The following PCNX1 variants were observed in gnomAD, a reference collection of about 807,000 sequenced individuals.
PCNX1 encodes pecanex 1.
In PCNX1, 78 loss-of-function variants were observed where a neutral mutation model predicts 242.2. That is an observed-to-expected ratio of 0.32 (90% CI 0.27 to 0.39). The LOEUF (loss-of-function observed/expected upper bound fraction) is 0.39, where lower values mean the gene tolerates loss of function less well. Ranked by LOEUF, PCNX1 falls within the 10% of genes least tolerant of loss-of-function variation. The probability of loss-of-function intolerance (pLI) is 1.00; values close to 1 mark genes in which losing one functional copy is unlikely to be tolerated. For synonymous variants in PCNX1, 1,024 were observed against 1,032.9 expected (o/e 0.99, Z 0.17); for missense variants, 2,581 against 2,856.5 (o/e 0.90, Z 2.20).
Position 70,931,511 on chromosome 14 carries a change from C to G in PCNX1, c.154-15404C>G, listed in dbSNP as rs533885859. On this transcript the variant is annotated intron_variant, in intron 1 of 35. Transcript: ENST00000304743. ...CAGATATACTGATGGATGGAACTTA[C>G]AATTTACGATAGGATTAGTGTGCCC... Among the ~76,000 whole-genome samples, 4 of 149,674 alleles carry G rather than the reference C, an allele frequency of 2.7e-5. No homozygotes were observed. In the South Asian group the frequency reaches 6.4e-4, roughly 24 times the overall value.
intron 24 of PCNX1, chr14:71,053,410 C>G (rs1295184600): frequency 2.6e-6 from 1 of 390,148 alleles, no homozygotes; most frequent in Non-Finnish European, 5.0e-6. Context: ...CTCCGCCTCC[C>G]AGGTTCAAGC....
chr14:71,044,276 G>A (rs2060796137), intron 19 of PCNX1: 1 of 152,670 alleles, frequency 6.6e-6, no homozygotes, highest in African/African-American at 2.4e-5. Flanking sequence ...CGCTTGTGAT[G>A]TTGGGTCTGG....
At chr14:70,922,993 G>T (rs1432848388) in intron 1 of PCNX1, among the ~76,000 whole-genome samples, 2 of 152,010 alleles carry the variant, frequency 1.3e-5, no homozygotes, top group African/African-American at 4.8e-5. Context: ...ACCAACATTG[G>T]TTATTATGAA....
chr14:70,923,094 G>A (rs1378633078), intron 1 of PCNX1, among the ~76,000 whole-genome samples: 2 of 95,366 alleles, frequency 2.1e-5, no homozygotes, highest in Non-Finnish European at 4.8e-5. Context: ...CATATGCCTA[G>A]TAGACACACA....
intron 22 of PCNX1, 149 bp downstream of exon 22, chr14:71,048,133 C>A (rs1318317357): frequency 4.0e-6 from 2 of 499,352 alleles, no homozygotes; most frequent in South Asian, 4.2e-5. Context: ...ACATTAGAAT[C>A]CCTAAACAAA....
chr14:71,069,242 G>T (rs1473898830), intron 26 of PCNX1, among the ~76,000 whole-genome samples: 1 of 152,118 alleles, frequency 6.6e-6, no homozygotes, highest in Admixed American at 6.6e-5. Context: ...GGAATTATGG[G>T]AGCTACAATT....
chr14:71,109,552 G>A lies in PCNX1; in HGVS notation c.6845G>A (p.Ser2282Asn). The change falls in exon 35 of 36, where the codon AGC (serine) becomes AAC (asparagine). Residue 2282 changes from serine to asparagine, a missense_variant. Physicochemically the swap from Ser to Asn is conservative, Grantham distance 46. Around this residue, in one of 9 missense-constraint regions of PCNX1, gnomAD observed 432 missense variants for 433.6 expected, o/e 1.00. Coordinates refer to ENST00000304743, the MANE Select transcript of PCNX1 (RefSeq NM_014982.3). ...ATCCGGTTAAAAGCTGGGAGAAATA[G>A]CTGGAAAGACTGGAGTCCGCAGGAG... ...EGIRLKAGRN[S>N]WKDWSPQEGM... is the part of the protein sequence containing the mutation. 2 of 1,614,180 alleles carry A rather than the reference G, an allele frequency of 1.2e-6. No homozygotes were observed. The highest frequency in any genetic ancestry group is 2.2e-5 in the South Asian group (2 of 91,086).
chr14:70,938,297 A>G lies in PCNX1; in HGVS notation c.154-8618A>G, dbSNP rs1232532258. Among the ~76,000 whole-genome samples the G allele has an allele frequency of 2.6e-5, 4 of 152,120 alleles. No individual in the cohort carries two copies. The East Asian group carries it at 7.7e-4, about 29-fold the overall frequency. On this transcript the variant is annotated intron_variant, in intron 1 of 35. Transcript: ENST00000304743. ...CATAGATAGCTCTTATTATTTTGAG[A>G]TACGTCCCATCAATACCTAATTTAT...
intron 1 of PCNX1, among the ~76,000 whole-genome samples, chr14:70,940,237 C>T (rs2057180686): frequency 6.6e-6 from 1 of 152,164 alleles, no homozygotes; most frequent in South Asian, 2.1e-4. Flanking sequence ...ATGGTCTTTA[C>T]AATTTGGCAT....
chr14:70,971,051 T>C (rs970730015), intron 5 of PCNX1, among the ~76,000 whole-genome samples: 1 of 151,578 alleles, frequency 6.6e-6, no homozygotes, highest in African/African-American at 2.4e-5. Context: ...AAAGTGACAG[T>C]CCTATAATTC....
chr14:70,909,610 A>G (rs906373869), intron 1 of PCNX1, among the ~76,000 whole-genome samples: 14 of 152,220 alleles, frequency 9.2e-5, no homozygotes, highest in Non-Finnish European at 1.6e-4. Flanking sequence ...TAACACTTGT[A>G]GTAAACTGTG....
intron 3 of PCNX1, among the ~76,000 whole-genome samples, chr14:70,963,696 TTC>T (rs2058289766): frequency 6.6e-6 from 1 of 152,230 alleles, no homozygotes; most frequent in African/African-American, 2.4e-5. Flanking sequence ...CCTAGTACCT[TTC>T]TCTCTTTTGT....
At position 71,110,050 on chromosome 14, in the gene PCNX1, A is replaced by T; in HGVS notation, c.*115A>T. 1.1e-6 allele frequency: 1 copy of T among 944,018 alleles called. No homozygotes were observed. The highest frequency in any genetic ancestry group is 1.7e-6 in the Non-Finnish European group (1 of 583,448). 58.5% of individuals were successfully genotyped at this position (944,018 alleles called of 1,614,324 possible). On this transcript the variant is annotated 3_prime_UTR_variant, in exon 36 of 36. Coordinates refer to ENST00000304743, the MANE Select transcript of PCNX1 (RefSeq NM_014982.3). ...ATCACTTTGATCCTATGTGGGAGCG[A>T]CTGAAAATAGAATGAGCTTGGTTAA...
chr14:70,978,346 G>C lies in PCNX1; in HGVS notation c.2009G>C (p.Ser670Thr). ...GCTCATTTGGTTCCTGAAGGAACCA[G>C]CAAAAAGCGTGCAACACGACGGACT... The part of the protein sequence containing the change: ...HKAHLVPEGT[S>T]KKRATRRTSS... Residue 670 changes from serine to threonine, a missense_variant, in exon 6 of 36, where the codon AGC becomes ACC. Coordinates refer to ENST00000304743, the MANE Select transcript of PCNX1 (RefSeq NM_014982.3). 3 of 1,614,156 alleles carry C rather than the reference G, an allele frequency of 1.9e-6. No individual in the cohort carries two copies. Among genetic ancestry groups the C allele is most frequent in the Non-Finnish European group, 2.5e-6 (3 of 1,180,020 alleles).
At chr14:71,055,864 G>A (rs572715959) in intron 25 of PCNX1, among the ~76,000 whole-genome samples, 1 of 152,294 alleles carries the variant, frequency 6.6e-6, no homozygotes, top group Non-Finnish European at 1.5e-5. Flanking sequence ...CTGGTCAGAT[G>A]TTTGAAGGGT....
At chr14:71,072,508 A>G (rs1480323943) in intron 26 of PCNX1, among the ~76,000 whole-genome samples, 3 of 152,204 alleles carry the variant, frequency 2.0e-5, no homozygotes, top group Non-Finnish European at 4.4e-5. Flanking sequence ...CTTGGCTATA[A>G]AAACCTTTTT....
intron 2 of PCNX1, among the ~76,000 whole-genome samples, chr14:70,948,501 T>G (rs1371066118): frequency 6.6e-6 from 1 of 152,026 alleles, no homozygotes; most frequent in East Asian, 1.9e-4. Context: ...CTAAAGAAAT[T>G]ATTCAGCATG....
chr14:70,948,641 A>ATATAGATGTGTATATATACACGTGTC (rs2057563701), intron 2 of PCNX1, among the ~76,000 whole-genome samples: 1 of 150,916 alleles, frequency 6.6e-6, no homozygotes, highest in African/African-American at 2.4e-5. Flanking sequence ...ATAGTTGTGT[A>ATATAGATGTGTATATATACACGTGTC]TATATAGATG....
chr14:70,957,820 G>A (rs1373702511), intron 2 of PCNX1, among the ~76,000 whole-genome samples: 1 of 146,524 alleles, frequency 6.8e-6, no homozygotes, highest in African/African-American at 2.4e-5. Context: ...ATGTGTGTGT[G>A]TATGTATGTG....
Sources: allele counts gnomAD v4.1 joint callset (sites outside exome capture counted in the v4.1 genomes callset), GRCh38; gene constraint gnomAD v4.1.1; regional missense constraint gnomAD v4.1.1; transcripts MANE v1.5; gene names NCBI Gene and HGNC (gene_info 2026-07-23, HGNC 2026-07-21).